Variants in RNF185 observed in about 807,000 individuals in gnomAD.
RNF185 encodes E3 ubiquitin-protein ligase RNF185.
Under a neutral mutation model 24.9 loss-of-function variants are expected in RNF185, and 13 were observed. The observed-to-expected ratio is 0.52, with a 90% CI of 0.34 to 0.83. The LOEUF is 0.83. Among genes scored for constraint, RNF185 ranks in the 40% least tolerant of loss-of-function variants. The pLI is 0.01. For synonymous variants in RNF185, 79 were observed against 90.3 expected (o/e 0.88, Z 0.71); for missense variants, 184 against 244.7 (o/e 0.75, Z 1.65).
chr22:31,204,353 AAAAG>A (rs943687018), intron 6 of RNF185, 132 bp from the exon 7 acceptor site: 60 of 645,638 alleles, frequency 9.3e-5, no homozygotes, highest in Non-Finnish European at 1.3e-4. Flanking sequence ...AAAAAAAAAA[AAAAG>A]AAATCTTTTT....
At chr22:31,175,076 TAA>T (rs5844936) in intron 1 of RNF185, among the ~76,000 whole-genome samples, 1,622 of 138,470 alleles carry the variant, frequency 0.012, 27 homozygotes, top group South Asian at 0.08. Context: ...CGTCTCAAAT[TAA>T]AAAAAAAAAA....
intron 1 of RNF185, among the ~76,000 whole-genome samples, chr22:31,182,451 C>G (rs567977957): frequency 6.6e-6 from 1 of 152,164 alleles, no homozygotes; most frequent in East Asian, 1.9e-4. Context: ...CCACACCCAG[C>G]TAATTTTTGT....
At chr22:31,171,855 C>G (rs949579604) in intron 1 of RNF185, among the ~76,000 whole-genome samples, 10 of 151,960 alleles carry the variant, frequency 6.6e-5, no homozygotes, top group African/African-American at 2.4e-4. Flanking sequence ...GTAATCCCAG[C>G]TACTCAGGAG....
intron 1 of RNF185, among the ~76,000 whole-genome samples, chr22:31,171,041 C>A (rs2047923872): frequency 1.3e-5 from 2 of 152,214 alleles, no homozygotes; most frequent in Admixed American, 1.3e-4. Context: ...TTTCTTAACA[C>A]TATCATCTCT....
At chr22:31,198,924 G>A (rs1161701835) in intron 5 of RNF185, among the ~76,000 whole-genome samples, 1 of 150,168 alleles carries the variant, frequency 6.7e-6, no homozygotes, top group Non-Finnish European at 1.5e-5. Context: ...GTGAAACCCT[G>A]TCTCTGCTTT....
At chr22:31,186,099 G>GT (rs1448852326) in intron 1 of RNF185, among the ~76,000 whole-genome samples, 1 of 152,074 alleles carries the variant, frequency 6.6e-6, no homozygotes, top group African/African-American at 2.4e-5. Flanking sequence ...AGTATTACTG[G>GT]TTTTCCATTT....
intron 1 of RNF185, among the ~76,000 whole-genome samples, chr22:31,181,691 C>G (rs903535940): frequency 6.6e-6 from 1 of 152,170 alleles, no homozygotes; most frequent in African/African-American, 2.4e-5. Context: ...ATGATGAGTT[C>G]ATGTCCTTTG....
intron 1 of RNF185, among the ~76,000 whole-genome samples, chr22:31,176,624 G>A (rs1454377201): frequency 1.3e-5 from 2 of 151,842 alleles, no homozygotes; most frequent in African/African-American, 4.8e-5. Flanking sequence ...GAGTTGCTGG[G>A]ACTACAGGTG....
chr22:31,182,044 T>C (rs1233363196), intron 1 of RNF185, among the ~76,000 whole-genome samples: 1 of 148,052 alleles, frequency 6.8e-6, no homozygotes, highest in African/African-American at 2.5e-5. Flanking sequence ...CTCTAGCAGA[T>C]CAGGTTTTGT....
At chr22:31,202,196 A>C (rs1314075121) in intron 6 of RNF185, among the ~76,000 whole-genome samples, 1 of 152,032 alleles carries the variant, frequency 6.6e-6, no homozygotes, top group African/African-American at 2.4e-5. Flanking sequence ...TACTGCTTGA[A>C]AGTGCCATCC....
At chr22:31,202,087 T>C (rs1172719243) in intron 6 of RNF185, among the ~76,000 whole-genome samples, 1 of 152,174 alleles carries the variant, frequency 6.6e-6, no homozygotes, top group African/African-American at 2.4e-5. Context: ...CATCTCTGTC[T>C]AGCTTCCTTC....
At chr22:31,171,336 A>T (rs113764829) in intron 1 of RNF185, among the ~76,000 whole-genome samples, 16 of 136,850 alleles carry the variant, frequency 1.2e-4, no homozygotes, top group African/African-American at 4.4e-4. Flanking sequence ...TGACCAGCTA[A>T]TTTTTTTTTT....
intron 1 of RNF185, among the ~76,000 whole-genome samples, chr22:31,173,212 AT>A (rs201018258): frequency 1.4e-5 from 2 of 148,140 alleles, no homozygotes; most frequent in African/African-American, 5.0e-5. Context: ...AGATCCCTCA[AT>A]TTTTTTTTCA....
chr22:31,174,127 T>G (rs2047958454), intron 1 of RNF185, among the ~76,000 whole-genome samples: 1 of 152,186 alleles, frequency 6.6e-6, no homozygotes, highest in South Asian at 2.1e-4. Context: ...CTTAGAACTG[T>G]CTTGTGAGGA....
chr22:31,167,475 T>TC (rs1441815780), intron 1 of RNF185, among the ~76,000 whole-genome samples: 4 of 151,934 alleles, frequency 2.6e-5, no homozygotes, highest in African/African-American at 7.3e-5. Flanking sequence ...CATTCTCTCC[T>TC]CCCCCCAGCT....
At chr22:31,181,026 A>G (rs967797911) in intron 1 of RNF185, among the ~76,000 whole-genome samples, 2 of 152,024 alleles carry the variant, frequency 1.3e-5, no homozygotes, top group East Asian at 1.9e-4. Context: ...TTTTACCCAA[A>G]TAAGTTTATA....
At chr22:31,185,663 TGTGGTA>T (rs1445948324) in intron 1 of RNF185, among the ~76,000 whole-genome samples, 2 of 152,198 alleles carry the variant, frequency 1.3e-5, no homozygotes, top group African/African-American at 2.4e-5. Context: ...CTTCTCTGAC[TGTGGTA>T]GCCAGCGAAC....
At chr22:31,204,256 T>C (rs2048292577) in intron 6 of RNF185, among the ~76,000 whole-genome samples, 1 of 151,276 alleles carries the variant, frequency 6.6e-6, no homozygotes, top group Admixed American at 6.6e-5. Context: ...GGCAGGAGAA[T>C]CGCTTGAACC....
At chr22:31,177,306 TTCATTCCTATCTACTA>T (rs2047992661) in intron 1 of RNF185, among the ~76,000 whole-genome samples, 1 of 151,846 alleles carries the variant, frequency 6.6e-6, no homozygotes, top group South Asian at 2.1e-4. Flanking sequence ...TCTTTGAAGA[TTCATTCCTATCTACTA>T]AGTAGATAGG....
Sources: allele counts gnomAD v4.1 joint callset (sites outside exome capture counted in the v4.1 genomes callset), GRCh38; gene constraint gnomAD v4.1.1; transcripts MANE v1.5; gene names NCBI Gene and HGNC (gene_info 2026-07-23, HGNC 2026-07-21).